DOCK2: variants seen among roughly 807,000 people sequenced by gnomAD.
DOCK2 encodes the protein dedicator of cytokinesis 2, also known as dedicator of cytokinesis protein 2.
In DOCK2, 87 loss-of-function variants were observed where a neutral mutation model predicts 248.9. The ratio of observed to expected loss-of-function variants is 0.35; its 90% CI spans 0.29 to 0.42. The LOEUF is 0.42. Ranked by LOEUF, DOCK2 falls within the 10% of genes least tolerant of loss-of-function variation. The pLI is 1.00. For missense variants in DOCK2, 1,747 were observed against 2,300.2 expected (o/e 0.76, Z 4.92); for synonymous variants, 805 against 821.6 (o/e 0.98, Z 0.35).
At chr5:170,067,924 G>A (rs1382403305) in intron 45 of DOCK2, among the ~76,000 whole-genome samples, 1 of 152,172 alleles carries the variant, frequency 6.6e-6, no homozygotes, top group Admixed American at 6.5e-5. Flanking sequence ...GGCAGGAAGG[G>A]GCAGGGGTCA....
At chr5:169,723,584 T>A (rs1762315708) in intron 22 of DOCK2, among the ~76,000 whole-genome samples, 1 of 152,152 alleles carries the variant, frequency 6.6e-6, no homozygotes. Flanking sequence ...TACTCCTCAC[T>A]CACTTTGTGC....
intron 33 of DOCK2, among the ~76,000 whole-genome samples, chr5:170,021,317 G>A (rs1011933456): frequency 2.6e-5 from 4 of 152,224 alleles, no homozygotes; most frequent in Admixed American, 2.6e-4. Flanking sequence ...AAGGGCACAC[G>A]CCATGAGACG....
chr5:169,961,516 G>A (rs949557090), intron 27 of DOCK2, among the ~76,000 whole-genome samples: 3 of 152,176 alleles, frequency 2.0e-5, no homozygotes, highest in South Asian at 2.1e-4. Flanking sequence ...TTACATTCAG[G>A]CACTGTGTTG....
At chr5:169,992,808 G>A (rs538396063) in intron 29 of DOCK2, among the ~76,000 whole-genome samples, 125 of 152,170 alleles carry the variant, frequency 8.2e-4, no homozygotes, top group Middle Eastern at 6.8e-3. Context: ...GAAGAAAAAT[G>A]CCTTACTTTT....
intron 22 of DOCK2, among the ~76,000 whole-genome samples, chr5:169,741,206 T>C (rs891626167): frequency 2.6e-5 from 4 of 152,182 alleles, no homozygotes; most frequent in African/African-American, 9.7e-5. Context: ...TCCATACACC[T>C]TGATGGTGGG....
intron 27 of DOCK2, among the ~76,000 whole-genome samples, chr5:169,975,503 T>C (rs1777683652): frequency 6.6e-6 from 1 of 152,142 alleles, no homozygotes; most frequent in South Asian, 2.1e-4. Context: ...GTCATACCTT[T>C]CCACCACACT....
chr5:169,963,549 G>C (rs564159978), intron 27 of DOCK2, among the ~76,000 whole-genome samples: 4 of 152,108 alleles, frequency 2.6e-5, no homozygotes, highest in Non-Finnish European at 5.9e-5. Context: ...TGGTTTGGTA[G>C]TGCTGGGCCC....
intron 26 of DOCK2, among the ~76,000 whole-genome samples, chr5:169,810,274 G>A (rs1767657073): frequency 6.6e-6 from 1 of 152,096 alleles, no homozygotes; most frequent in South Asian, 2.1e-4. Flanking sequence ...TTAGATGTCA[G>A]GTGCAGAGGG....
At chr5:170,020,937 C>T (rs1755699885) in intron 33 of DOCK2, among the ~76,000 whole-genome samples, 1 of 152,238 alleles carries the variant, frequency 6.6e-6, no homozygotes, top group South Asian at 2.1e-4. Context: ...TGAGACATTC[C>T]ATGGCAAACA....
chr5:170,003,671 C>T (rs1754918884), intron 30 of DOCK2, among the ~76,000 whole-genome samples: 1 of 152,172 alleles, frequency 6.6e-6, no homozygotes, highest in South Asian at 2.1e-4. Flanking sequence ...GACCAGGCCA[C>T]CTAGGTGGGC....
intron 27 of DOCK2, among the ~76,000 whole-genome samples, chr5:169,891,315 T>G (rs1773266269): frequency 6.6e-6 from 1 of 152,238 alleles, no homozygotes; most frequent in Admixed American, 6.5e-5. Flanking sequence ...GTGTATTATC[T>G]GTCTCTGCTC....
chr5:169,685,199 C>A (rs542422102), intron 8 of DOCK2, among the ~76,000 whole-genome samples: 19 of 152,330 alleles, frequency 1.2e-4, no homozygotes, highest in African/African-American at 4.3e-4. Context: ...TGCACAAGGC[C>A]TGGCACATGT....
chr5:170,067,793 T>G, intron 45 of DOCK2, 107 bp downstream of exon 45: 2 of 1,301,332 alleles, frequency 1.5e-6, no homozygotes, highest in Non-Finnish European at 2.1e-6. Flanking sequence ...ACTTTGACTG[T>G]CCTTGTCCCC....
At chr5:169,925,146 T>C (rs1775366994) in intron 27 of DOCK2, among the ~76,000 whole-genome samples, 1 of 152,130 alleles carries the variant, frequency 6.6e-6, no homozygotes, top group Non-Finnish European at 1.5e-5. Flanking sequence ...CCAAAAAGTG[T>C]AATACATGGT....
intron 44 of DOCK2, among the ~76,000 whole-genome samples, chr5:170,057,964 CA>C (rs1334156750): frequency 6.6e-6 from 1 of 152,008 alleles, no homozygotes; most frequent in Non-Finnish European, 1.5e-5. Flanking sequence ...GGGCCTGGAA[CA>C]CAATCATTAA....
chr5:170,056,906 G>T, intron 43 of DOCK2, 138 bp downstream of exon 43: 2 of 720,306 alleles, frequency 2.8e-6, no homozygotes, highest in Non-Finnish European at 4.6e-6. Context: ...ATACCATGAC[G>T]TCCGTTCCCC....
rs771194180 is a variant in DOCK2 at position 169,714,412 on chromosome 5, G to T, written c.1896G>T (p.Glu632Asp). 6.2e-7 allele frequency: 1 copy of T among 1,614,000 alleles called. No homozygotes were observed. The highest frequency in any genetic ancestry group is 1.3e-5 in the African/African-American group (1 of 74,914). ...GTATGAAGCCTCAACTGCTACAGGA[G>T]AATTTAGAAAAGTTGAAGATTGTGG... Reference protein sequence around the residue: ...KWRMKPQLLQENLEKLKIVDG... With the variant: ...KWRMKPQLLQDNLEKLKIVDG... The change falls in exon 19 of 52, where the codon GAG (glutamate) becomes GAT (aspartate). Residue 632 changes from glutamate to aspartate, a missense_variant. By Grantham distance (45) the Glu-to-Asp change is conservative. This residue lies in a region of DOCK2 where 858 missense variants were observed against 1,183.5 expected (regional missense o/e 0.72). Coordinates refer to ENST00000520908, the MANE Select transcript of DOCK2 (RefSeq NM_004946.3).
At chr5:169,987,946 G>T (rs1429835187) in intron 29 of DOCK2, among the ~76,000 whole-genome samples, 1 of 152,162 alleles carries the variant, frequency 6.6e-6, no homozygotes, top group African/African-American at 2.4e-5. Context: ...TTCCTAGTCT[G>T]TAAAATGGGG....
chr5:169,796,746 G>A (rs1333562854), intron 25 of DOCK2, among the ~76,000 whole-genome samples: 1 of 152,222 alleles, frequency 6.6e-6, no homozygotes, highest in Non-Finnish European at 1.5e-5. Flanking sequence ...TAAGTTAACA[G>A]CTAGAAGGGA....
Sources: allele counts gnomAD v4.1 joint callset (sites outside exome capture counted in the v4.1 genomes callset), GRCh38; gene constraint gnomAD v4.1.1; regional missense constraint gnomAD v4.1.1; transcripts MANE v1.5; gene names NCBI Gene and HGNC (gene_info 2026-07-23, HGNC 2026-07-21).